The following HCN1 variants were observed in gnomAD, a reference collection of about 807,000 sequenced individuals.
The protein encoded by HCN1 is potassium/sodium hyperpolarization-activated cyclic nucleotide-gated channel 1.
In HCN1, 13 loss-of-function variants were observed where a neutral mutation model predicts 78.9. The observed-to-expected ratio is 0.16, with a 90% CI of 0.11 to 0.26. The LOEUF (loss-of-function observed/expected upper bound fraction) is 0.26. HCN1 is among the 10% of genes least tolerant of loss of function. The pLI is 1.00. For missense variants in HCN1, 810 were observed against 1,154.3 expected, an observed-to-expected ratio of 0.70 and a Z score of 4.32; for synonymous variants, 552 against 455.5, an observed-to-expected ratio of 1.21 and a Z score of -2.70.
intron 4 of HCN1, among the ~76,000 whole-genome samples, chr5:45,392,038 T>G (rs1184119655): frequency 1.3e-5 from 2 of 152,098 alleles, no homozygotes; most frequent in South Asian, 4.1e-4. Context: ...CCTTAAGAGT[T>G]GATTTGGCGC....
chr5:45,441,644 C>A (rs180969698), intron 3 of HCN1, among the ~76,000 whole-genome samples: 2 of 152,252 alleles, frequency 1.3e-5, no homozygotes, highest in Admixed American at 1.3e-4. Flanking sequence ...TTTATTTTAT[C>A]ACTGACATGT....
intron 1 of HCN1, among the ~76,000 whole-genome samples, chr5:45,672,763 T>C (rs1405826277): frequency 6.6e-6 from 1 of 151,472 alleles, no homozygotes; most frequent in Non-Finnish European, 1.5e-5. Flanking sequence ...CTCTGAGTCC[T>C]TGTTAATTAA....
At chr5:45,325,494 C>A (rs944948472) in intron 5 of HCN1, among the ~76,000 whole-genome samples, 1 of 151,624 alleles carries the variant, frequency 6.6e-6, no homozygotes, top group Non-Finnish European at 1.5e-5. Context: ...CATAATAAAG[C>A]TACTCTATTG....
chr5:45,548,157 G>T (rs150725233), intron 2 of HCN1, among the ~76,000 whole-genome samples: 83 of 151,578 alleles, frequency 5.5e-4, no homozygotes, highest in African/African-American at 2.0e-3. Flanking sequence ...AATTGCCTAG[G>T]TTTTATTAAC....
intron 2 of HCN1, among the ~76,000 whole-genome samples, chr5:45,470,920 T>C (rs1741378554): frequency 6.6e-6 from 1 of 151,934 alleles, no homozygotes; most frequent in Non-Finnish European, 1.5e-5. Context: ...TGTTGTTTTC[T>C]TTAACATTAT....
chr5:45,280,640 C>T (rs953394772), intron 6 of HCN1, among the ~76,000 whole-genome samples: 1 of 152,190 alleles, frequency 6.6e-6, no homozygotes, highest in East Asian at 1.9e-4. Context: ...CTCCTATCTT[C>T]ATAAACTCTG....
chr5:45,494,010 T>C (rs1741961979), intron 2 of HCN1, among the ~76,000 whole-genome samples: 1 of 152,200 alleles, frequency 6.6e-6, no homozygotes, highest in Non-Finnish European at 1.5e-5. Context: ...TTGTTGGACA[T>C]TTGGCTTGGT....
At chr5:45,333,467 C>A (rs549109730) in intron 5 of HCN1, among the ~76,000 whole-genome samples, 1 of 151,200 alleles carries the variant, frequency 6.6e-6, no homozygotes, top group South Asian at 2.1e-4. Context: ...TTTCTTTTAA[C>A]GTCCAGAAGC....
At chr5:45,693,760 T>C in intron 1 of HCN1, among the ~76,000 whole-genome samples, 1 of 152,314 alleles carries the variant, frequency 6.6e-6, no homozygotes, top group Admixed American at 6.5e-5. Context: ...AATTACTTGA[T>C]GTGTGGTATC....
rs972885445 is a variant in HCN1, at chr5:45,255,307, C to T, written c.*6614G>A. The T allele has an allele frequency of 2.0e-5, 3 of 152,170 alleles. No homozygotes were observed. Among genetic ancestry groups the T allele is most frequent in the African/African-American group, 7.2e-5 (3 of 41,444 alleles). 9.4% of individuals were successfully genotyped at this position (152,170 alleles called of 1,614,324 possible). Reference sequence around the variant, plus strand: ...CCCATGCTATGTTGACTTGTCATCTCCAGAAATGTCTTCACACTTGGAAGT... The same window carrying T: ...CCCATGCTATGTTGACTTGTCATCTTCAGAAATGTCTTCACACTTGGAAGT... On this transcript the variant is annotated 3_prime_UTR_variant, in exon 8 of 8. Coordinates refer to ENST00000303230, the MANE Select transcript of HCN1 (RefSeq NM_021072.4).
chr5:45,362,353 C>A (rs781215626), intron 4 of HCN1, among the ~76,000 whole-genome samples: 2 of 151,996 alleles, frequency 1.3e-5, no homozygotes, highest in South Asian at 2.1e-4. Context: ...TCAACAGTTT[C>A]TTTCACTCAC....
At chr5:45,307,304 C>T (rs145899994) in intron 5 of HCN1, among the ~76,000 whole-genome samples, 2,248 of 152,172 alleles carry the variant, frequency 0.015, 29 homozygotes, top group South Asian at 0.034. Context: ...ACTCCTGCCT[C>T]AAAAAGTTGG....
chr5:45,358,075 T>C (rs1456595331), intron 4 of HCN1, among the ~76,000 whole-genome samples: 3 of 152,062 alleles, frequency 2.0e-5, no homozygotes, highest in African/African-American at 4.8e-5. Context: ...ACTTGAACTT[T>C]CCAGCCATCA....
At chr5:45,396,199 A>G (rs544325242) in intron 4 of HCN1, among the ~76,000 whole-genome samples, 1 of 152,326 alleles carries the variant, frequency 6.6e-6, no homozygotes, top group South Asian at 2.1e-4. Flanking sequence ...AAAATGAGCC[A>G]TGATAACATC....
At chr5:45,368,247 T>C (rs1747274895) in intron 4 of HCN1, among the ~76,000 whole-genome samples, 1 of 152,054 alleles carries the variant, frequency 6.6e-6, no homozygotes, top group Admixed American at 6.6e-5. Flanking sequence ...ATTTGATCTT[T>C]TCTTCTATTT....
At chr5:45,403,717 G>GA (rs1321719718) in intron 3 of HCN1, among the ~76,000 whole-genome samples, 2 of 152,008 alleles carry the variant, frequency 1.3e-5, no homozygotes, top group Non-Finnish European at 2.9e-5. Context: ...GGCTCAAGGA[G>GA]AAAAAATAGA....
chr5:45,661,160 C>A (rs1253594949), intron 1 of HCN1, among the ~76,000 whole-genome samples: 4 of 145,798 alleles, frequency 2.7e-5, no homozygotes, highest in African/African-American at 1.0e-4. Context: ...TCACTCAAAG[C>A]CGCTCAACTA....
At chr5:45,367,980 A>G (rs141697891) in intron 4 of HCN1, among the ~76,000 whole-genome samples, 1 of 152,078 alleles carries the variant, frequency 6.6e-6, no homozygotes, top group Non-Finnish European at 1.5e-5. Flanking sequence ...GTGAAATGCA[A>G]GAAATGGACC....
At chr5:45,564,880 C>G (rs890770004) in intron 2 of HCN1, among the ~76,000 whole-genome samples, 1 of 152,118 alleles carries the variant, frequency 6.6e-6, no homozygotes, top group East Asian at 1.9e-4. Context: ...TAAAGGGATT[C>G]GTTGGGCACA....
Sources: allele counts gnomAD v4.1 joint callset (sites outside exome capture counted in the v4.1 genomes callset), GRCh38; gene constraint gnomAD v4.1.1; transcripts MANE v1.5; gene names NCBI Gene and HGNC (gene_info 2026-07-23, HGNC 2026-07-21).